MLC1: variants seen among roughly 807,000 people sequenced by gnomAD.
MLC1 encodes membrane protein MLC1.
In MLC1, 32 loss-of-function variants were observed where a neutral mutation model predicts 44.7. The ratio of observed to expected loss-of-function variants is 0.72; its 90% confidence interval spans 0.54 to 0.96. The LOEUF (loss-of-function observed/expected upper bound fraction) is 0.96. Ranked by LOEUF, MLC1 falls within the 40% of genes least tolerant of loss-of-function variation. MLC1 has a pLI of 0.00. For missense variants in MLC1, 459 were observed against 492.2 expected (o/e 0.93, Z 0.64); for synonymous variants, 190 against 213.0 (o/e 0.89, Z 0.94).
chr22:50,070,483 C>T (rs951445481), intron 9 of MLC1, 44 bp downstream of exon 9: 16 of 1,537,904 alleles, frequency 1.0e-5, no homozygotes, highest in African/African-American at 6.9e-5. Flanking sequence ...GCCCTGGCCC[C>T]GCTCGGTGGG....
chr22:50,075,135 G>T (rs2061947752), intron 7 of MLC1, among the ~76,000 whole-genome samples: 1 of 151,710 alleles, frequency 6.6e-6, no homozygotes, highest in African/African-American at 2.4e-5. Flanking sequence ...CTCAGGGAGG[G>T]GCCGCAACCA....
intron 7 of MLC1, among the ~76,000 whole-genome samples, chr22:50,075,181 C>T (rs2061949716): frequency 6.7e-6 from 1 of 149,224 alleles, no homozygotes; most frequent in South Asian, 2.1e-4. Flanking sequence ...GCAACCAGCA[C>T]CGCCAGACTC....
At chr22:50,061,865 C>A (rs1333421370) in intron 11 of MLC1, among the ~76,000 whole-genome samples, 3 of 152,196 alleles carry the variant, frequency 2.0e-5, no homozygotes, top group African/African-American at 4.8e-5. Context: ...CTGCATCCCC[C>A]CCCGCACACA....
chr22:50,074,612 C>G, intron 7 of MLC1: 1 of 447,360 alleles, frequency 2.2e-6, no homozygotes, highest in Non-Finnish European at 4.2e-6. Context: ...ATTGACCTGA[C>G]AGTGGTGAGG....
At chr22:50,080,252 G>A in intron 4 of MLC1, 92 bp downstream of exon 4, 1 of 1,458,226 alleles carries the variant, frequency 6.9e-7, no homozygotes, top group Non-Finnish European at 9.4e-7. Context: ...CAACGTCTGT[G>A]CGTGGGCACA....
intron 9 of MLC1, among the ~76,000 whole-genome samples, chr22:50,069,662 G>T (rs1212544428): frequency 6.6e-6 from 1 of 151,762 alleles, no homozygotes; most frequent in Non-Finnish European, 1.5e-5. Flanking sequence ...ACAAAACCAA[G>T]AAACAAAAAA....
intron 11 of MLC1, 126 bp from the exon 12 acceptor site, chr22:50,061,783 G>A (rs1471206961): frequency 1.1e-5 from 9 of 847,906 alleles, no homozygotes; most frequent in Admixed American, 5.8e-5. Context: ...TGTGAAGGAA[G>A]TGGGGAAACT....
rs140512231 is a variant in MLC1 at position 50,063,040 on chromosome 22, A to G, written c.1059+994T>C. 3.7e-3 allele frequency among the ~76,000 whole-genome samples: 569 copies of G among 152,342 alleles called. 2 individuals are homozygous for G. Among genetic ancestry groups the G allele is most frequent in the Non-Finnish European group, 5.4e-3 (367 of 68,024 alleles). On this transcript the variant is annotated intron_variant, in intron 11 of 11. Coordinates refer to ENST00000311597, the MANE Select transcript of MLC1 (RefSeq NM_015166.4). ...CAGAACCGCGTCCCCACCAGAGACC[A>G]GGGAAGGAAACTTCAGGACCTGTGG...
rs751660849 is a variant in MLC1, at chr22:50,084,757, T to G, written c.146A>C (p.His49Pro). The G allele has an allele frequency of 9.9e-6, 16 of 1,614,012 alleles. No homozygotes were observed. Among genetic ancestry groups the G allele is most frequent in the Non-Finnish European group, 1.0e-5 (12 of 1,180,048 alleles). ...LSKRLPPCFSHKTWVFSVLMG... is the reference protein window; with the variant it reads ...LSKRLPPCFSPKTWVFSVLMG... Reference sequence around the variant, plus strand: ...CAGCACAGAGAAGACCCACGTCTTGTGGCTGAAGCAGGGGGGCAGTCTCTT... The same window carrying G: ...CAGCACAGAGAAGACCCACGTCTTGGGGCTGAAGCAGGGGGGCAGTCTCTT... The change falls in exon 2 of 12, where the codon CAC becomes CCC. Residue 49 changes from histidine to proline, a missense_variant. By Grantham distance (77) the His-to-Pro change is moderately conservative (BLOSUM62 -2). Transcript: ENST00000311597.
In MLC1 at chr22:50,084,840, G is replaced by T; in HGVS notation, c.63C>A (p.Gly21=). ...GGGCATAGCTGGCGGGGTCTTGCCG[G>T]CCCCGCTCCAGCGTGGGCATCCGGT... is the stretch of plus-strand genomic sequence containing the variant. The part of the protein sequence containing the change: ...AYDRMPTLER[G]RQDPASYAPD... Residue 21 remains glycine (G), a synonymous_variant, in exon 2 of 12, where the codon GGC becomes GGA. Transcript: ENST00000311597. The T allele has an allele frequency of 1.2e-6, 2 of 1,613,598 alleles. No homozygotes were observed. The highest frequency in any genetic ancestry group is 2.2e-5 in the East Asian group (1 of 44,880).
At chr22:50,065,868 T>G (rs2061690969) in intron 10 of MLC1, among the ~76,000 whole-genome samples, 1 of 152,212 alleles carries the variant, frequency 6.6e-6, no homozygotes, top group Admixed American at 6.5e-5. Context: ...GGAAGATGCG[T>G]GCAGGTTGTT....
chr22:50,082,922 C>A (rs1032546444), intron 3 of MLC1, among the ~76,000 whole-genome samples, 162 bp downstream of exon 3: 1 of 152,174 alleles, frequency 6.6e-6, no homozygotes, highest in Non-Finnish European at 1.5e-5. Context: ...ACCTCCACCC[C>A]TCAAAGTGCT....
chr22:50,068,928 C>T (rs377293756), intron 9 of MLC1, among the ~76,000 whole-genome samples: 11 of 151,806 alleles, frequency 7.2e-5, no homozygotes, highest in Non-Finnish European at 1.6e-4. Flanking sequence ...TGTTTTGCCA[C>T]GTTGGTCAGG....
At chr22:50,065,418 A>G (rs1000517115) in intron 10 of MLC1, among the ~76,000 whole-genome samples, 29 of 152,170 alleles carry the variant, frequency 1.9e-4, no homozygotes, top group Admixed American at 1.6e-3. Context: ...CAACTTAACT[A>G]TTTAAAAAAA....
At position 50,061,447 on chromosome 22, in the gene MLC1, C is replaced by T; in HGVS notation, c.*136G>A. 1.1e-6 allele frequency: 1 copy of T among 938,584 alleles called. No individual in the cohort carries two copies. The highest frequency in any genetic ancestry group is 1.7e-6 in the Non-Finnish European group (1 of 588,146). 58.1% of individuals were successfully genotyped at this position (938,584 alleles called of 1,614,324 possible). A position where few individuals can be genotyped will look rare whatever the true frequency, so the allele number is the denominator to read the frequency against. ...ATTAAACTACCCTAGGAAGTGAAAA[C>T]CCCACCTGCAGCCTGGTTTGCCCTC... On this transcript the variant is annotated 3_prime_UTR_variant, in exon 12 of 12. Transcript: ENST00000311597.
chr22:50,065,953 C>A (rs1028248735), intron 10 of MLC1, among the ~76,000 whole-genome samples: 1 of 152,226 alleles, frequency 6.6e-6, no homozygotes, highest in Non-Finnish European at 1.5e-5. Flanking sequence ...GCTGGGTTGA[C>A]CGGGCAGTCA....
intron 1 of MLC1, 114 bp downstream of exon 1, chr22:50,085,241 G>C: frequency 1.6e-6 from 2 of 1,219,202 alleles, no homozygotes; most frequent in South Asian, 3.3e-5. Flanking sequence ...CGGCAACTTC[G>C]TCCATGAACA....
At position 50,084,767 on chromosome 22, in the gene MLC1, A is replaced by AG. The variant is rs80358241; in HGVS notation, c.135dup (p.Cys46LeufsTer34). The AG allele has an allele frequency of 1.1e-5, 17 of 1,614,060 alleles. No individual in the cohort carries two copies. In the South Asian group the frequency reaches 1.8e-4, roughly 17 times the overall value. Reference sequence around the variant, plus strand: ...AAGACCCACGTCTTGTGGCTGAAGCAGGGGGGCAGTCTCTTCGACAGCTGC... The same window carrying AG: ...AAGACCCACGTCTTGTGGCTGAAGCAGGGGGGGCAGTCTCTTCGACAGCTGC... On this transcript the variant is annotated frameshift_variant, in exon 2 of 12. Coordinates refer to ENST00000311597, the MANE Select transcript of MLC1 (RefSeq NM_015166.4). LOFTEE classifies it high-confidence loss of function.
At chr22:50,065,566 G>A (rs972252288) in intron 10 of MLC1, among the ~76,000 whole-genome samples, 3 of 152,246 alleles carry the variant, frequency 2.0e-5, no homozygotes, top group Non-Finnish European at 2.9e-5. Context: ...CAGGAGACAT[G>A]AGCAGAGTCC....
Sources: allele counts gnomAD v4.1 joint callset (sites outside exome capture counted in the v4.1 genomes callset), GRCh38; gene constraint gnomAD v4.1.1; transcripts MANE v1.5; gene names NCBI Gene and HGNC (gene_info 2026-07-23, HGNC 2026-07-21).